CACNB4: variants seen among roughly 807,000 people sequenced by gnomAD.
CACNB4 encodes the protein calcium voltage-gated channel auxiliary subunit beta 4, also known as voltage-dependent L-type calcium channel subunit beta-4.
Under a neutral mutation model 71.2 loss-of-function variants are expected in CACNB4, and 32 were observed. That is an observed-to-expected ratio of 0.45 (90% CI 0.34 to 0.60). CACNB4 has a LOEUF of 0.60. Among genes scored for constraint, CACNB4 ranks in the 20% least tolerant of loss-of-function variants. CACNB4 has a pLI of 0.01. For synonymous variants in CACNB4, 231 were observed against 236.9 expected (o/e 0.97, Z 0.23); for missense variants, 464 against 647.9 (o/e 0.72, Z 3.08).
intron 2 of CACNB4, among the ~76,000 whole-genome samples, chr2:151,950,073 A>T (rs971464805): frequency 2.4e-4 from 36 of 152,098 alleles, no homozygotes; most frequent in African/African-American, 8.4e-4. Flanking sequence ...AAATAAAAAT[A>T]GAAAATAGTC....
In CACNB4 at chr2:152,039,415, C is replaced by CAA. The variant is rs34058095; in HGVS notation, c.147+58913_147+58914dup. Among the ~76,000 whole-genome samples, 89 of 137,546 alleles carry CAA rather than the reference C, an allele frequency of 6.5e-4. 1 individual carries two copies. Among genetic ancestry groups the CAA allele is most frequent in the South Asian group, 1.4e-3 (6 of 4,276 alleles). 90.2% of individuals were successfully genotyped at this position (137,546 alleles called of 152,430 possible). ...TGGGCGACAGAGCAAGACTCTGTCT[C>CAA]AAAAAAAAAAAAAAGAATCTTACTA... On this transcript the variant is annotated intron_variant, in intron 2 of 13. Coordinates refer to ENST00000539935, the MANE Select transcript of CACNB4 (RefSeq NM_000726.5).
At chr2:151,930,960 A>G (rs1449624858) in intron 2 of CACNB4, among the ~76,000 whole-genome samples, 1 of 152,064 alleles carries the variant, frequency 6.6e-6, no homozygotes, top group African/African-American at 2.4e-5. Context: ...GAATTATGGG[A>G]CTCTAGATCT....
chr2:151,846,755 A>C (rs761214675), intron 12 of CACNB4, among the ~76,000 whole-genome samples: 6 of 151,994 alleles, frequency 3.9e-5, no homozygotes, highest in Admixed American at 1.3e-4. Context: ...GGTTTTCCCC[A>C]TGTTGCCCAG....
chr2:151,875,149 A>AGT (rs2099845637), intron 5 of CACNB4, among the ~76,000 whole-genome samples: 1 of 149,818 alleles, frequency 6.7e-6, no homozygotes, highest in African/African-American at 2.5e-5. Flanking sequence ...TCCTAGGCAG[A>AGT]GTGTGTGTGT....
rs998729776 is a variant in CACNB4, at chr2:152,058,897, T to A, written c.147+39433A>T. ...AGGATCCCCCCTGCTGTATGTAGCC[T>A]CTTGGTGCCTTTTGTCCCAGTCACT... is the stretch of plus-strand genomic sequence containing the variant. On this transcript the variant is annotated intron_variant, in intron 2 of 13. Transcript: ENST00000539935. Among the ~76,000 whole-genome samples the A allele has an allele frequency of 3.9e-5, 6 of 152,224 alleles. No individual in the cohort carries two copies. In the South Asian group the frequency reaches 1.0e-3, roughly 26 times the overall value.
At chr2:151,969,857 A>C (rs973839546) in intron 2 of CACNB4, 7 of 152,220 alleles carry the variant, frequency 4.6e-5, no homozygotes, top group African/African-American at 1.2e-4. Flanking sequence ...TACATACATA[A>C]AATTTCTAAC....
At chr2:151,916,610 T>C (rs1464627124) in intron 2 of CACNB4, among the ~76,000 whole-genome samples, 1 of 152,224 alleles carries the variant, frequency 6.6e-6, no homozygotes, top group Non-Finnish European at 1.5e-5. Context: ...TTTATATTGA[T>C]ATAAGGACTG....
intron 2 of CACNB4, among the ~76,000 whole-genome samples, chr2:151,975,850 G>A (rs2099873691): frequency 6.6e-6 from 1 of 152,200 alleles, no homozygotes; most frequent in Non-Finnish European, 1.5e-5. Flanking sequence ...TCAATTGCAA[G>A]TATAGATATT....
intron 2 of CACNB4, among the ~76,000 whole-genome samples, chr2:152,000,237 C>T (rs978020880): frequency 3.9e-5 from 6 of 152,202 alleles, no homozygotes; most frequent in Non-Finnish European, 8.8e-5. Context: ...CCAGACCTAT[C>T]CTCCCAGAAA....
intron 2 of CACNB4, among the ~76,000 whole-genome samples, chr2:152,072,880 A>T (rs1316636659): frequency 6.6e-6 from 1 of 150,570 alleles, no homozygotes; most frequent in Non-Finnish European, 1.5e-5. Flanking sequence ...CGATCTCCTG[A>T]CCTCAGGATC....
Position 151,898,875 on chromosome 2 carries a change from A to G in CACNB4, c.148-15505T>C, listed in dbSNP as rs1158924196. Among the ~76,000 whole-genome samples the G allele has an allele frequency of 2.6e-5, 4 of 152,236 alleles. No individual in the cohort carries two copies. In the East Asian group the frequency reaches 5.8e-4, roughly 22 times the overall value. ...GGGTGTGATGATGGGCATAGAGTGAAATCCAAGTCCAGATGAAGGCAAGGG... is the reference window on the plus strand; with the variant it reads ...GGGTGTGATGATGGGCATAGAGTGAGATCCAAGTCCAGATGAAGGCAAGGG... On this transcript the variant is annotated intron_variant, in intron 2 of 13. Coordinates refer to ENST00000539935, the MANE Select transcript of CACNB4 (RefSeq NM_000726.5).
chr2:151,847,030 G>T (rs1000821971), intron 12 of CACNB4, among the ~76,000 whole-genome samples: 2 of 131,798 alleles, frequency 1.5e-5, no homozygotes, highest in Non-Finnish European at 3.2e-5. Flanking sequence ...GTGGTAAAAA[G>T]AAATAATATG....
intron 8 of CACNB4, chr2:151,870,006 T>C (rs1279185309): frequency 3.7e-6 from 2 of 546,854 alleles, no homozygotes; most frequent in Non-Finnish European, 6.4e-6. Flanking sequence ...TGGTTTTGTT[T>C]AATCTCCAAA....
At chr2:152,097,600 A>C (rs1688344269) in intron 2 of CACNB4, among the ~76,000 whole-genome samples, 1 of 152,218 alleles carries the variant, frequency 6.6e-6, no homozygotes, top group Admixed American at 6.5e-5. Context: ...CCAAGGTGAA[A>C]GGCACCTAAG....
Position 152,098,934 on chromosome 2 carries a change from AGGAGGGGGC to A in CACNB4, c.63+6_63+14del. On this transcript the variant is annotated splice_donor_region_variant and intron_variant, in intron 1 of 13. Coordinates refer to ENST00000539935, the MANE Select transcript of CACNB4 (RefSeq NM_000726.5). The surrounding 1 kb of genome is among the most constrained non-coding windows in gnomAD (Gnocchi z 5.3). ...GAAGAGGAGGAAGAGGAGAAGGGGGAGGAGGGGGCGGTACCTGCGAGGTGGGGGAGTGCG... is the reference window on the plus strand; with the variant it reads ...GAAGAGGAGGAAGAGGAGAAGGGGGAGGTACCTGCGAGGTGGGGGAGTGCG... The A allele has an allele frequency of 2.1e-6, 2 of 973,786 alleles. No homozygotes were observed. The highest frequency in any genetic ancestry group is 2.6e-6 in the Non-Finnish European group (2 of 774,712). The allele number at this position is 973,786 out of a possible 1,614,324, so 60.3% of individuals were successfully genotyped here.
At chr2:152,031,486 G>A (rs1257917619) in intron 2 of CACNB4, among the ~76,000 whole-genome samples, 1 of 152,194 alleles carries the variant, frequency 6.6e-6, no homozygotes, top group African/African-American at 2.4e-5. Flanking sequence ...ATATCCCACT[G>A]TTGACGGGTG....
intron 10 of CACNB4, chr2:151,858,428 G>A (rs2099840817): frequency 6.6e-6 from 1 of 152,156 alleles, no homozygotes; most frequent in Non-Finnish European, 1.5e-5. Flanking sequence ...GGGAAGAAGG[G>A]GGTTTTGTGT....
At chr2:151,841,474 G>T (rs1004419510) in intron 13 of CACNB4, among the ~76,000 whole-genome samples, 1 of 151,942 alleles carries the variant, frequency 6.6e-6, no homozygotes, top group Non-Finnish European at 1.5e-5. Flanking sequence ...CAGCTATTTG[G>T]GAGGCTGAGG....
intron 2 of CACNB4, among the ~76,000 whole-genome samples, chr2:152,023,930 C>T (rs1363899079): frequency 1.3e-5 from 2 of 152,160 alleles, no homozygotes; most frequent in African/African-American, 4.8e-5. Context: ...ATCTGTTTAC[C>T]ATGGTGACAA....
Sources: gnomAD v4.1 joint callset for allele counts (sites outside exome capture counted in the v4.1 genomes callset) on GRCh38, gnomAD v4.1.1 for gene constraint, Gnocchi (gnomAD v3.1) non-coding constraint, MANE v1.5 for transcripts, NCBI Gene and HGNC (gene_info 2026-07-23, HGNC 2026-07-21) for gene names.